The following PPP1R12A variants were observed in gnomAD, a reference collection of about 807,000 sequenced individuals.
PPP1R12A encodes the protein myosin binding subunit.
In PPP1R12A, 19 loss-of-function variants were observed where a neutral mutation model predicts 139.6. The ratio of observed to expected loss-of-function variants is 0.14; its 90% CI spans 0.09 to 0.20. PPP1R12A has a LOEUF of 0.20. PPP1R12A is among the 10% of genes least tolerant of loss of function. The pLI is 1.00. For synonymous variants in PPP1R12A, 427 were observed against 420.6 expected (o/e 1.02, Z -0.19); for missense variants, 925 against 1,211.5 (o/e 0.76, Z 3.51).
intron 14 of PPP1R12A, among the ~76,000 whole-genome samples, chr12:79,800,733 CTTTTTT>C (rs34522404): frequency 2.2e-5 from 3 of 137,108 alleles, no homozygotes; most frequent in African/African-American, 7.9e-5. Context: ...TCAAATGCTA[CTTTTTT>C]TTTTTTTTTT....
intron 13 of PPP1R12A, 135 bp downstream of exon 13, chr12:79,806,031 G>C (rs1873790457): frequency 8.0e-7 from 1 of 1,246,286 alleles, no homozygotes; most frequent in African/African-American, 1.5e-5. Flanking sequence ...CCTCATTTTG[G>C]AACCAATTTT....
intron 1 of PPP1R12A, among the ~76,000 whole-genome samples, chr12:79,911,438 C>A (rs1399149734): frequency 2.0e-5 from 3 of 152,082 alleles, no homozygotes; most frequent in Non-Finnish European, 2.9e-5. Flanking sequence ...ACACTGGGGC[C>A]TACCTGAGGG....
At chr12:79,837,545 T>G (rs1219299110) in intron 3 of PPP1R12A, among the ~76,000 whole-genome samples, 1 of 152,230 alleles carries the variant, frequency 6.6e-6, no homozygotes, top group South Asian at 2.1e-4. Flanking sequence ...ACTAATGATA[T>G]GGTTTGGCTG....
Position 79,786,418 on chromosome 12 carries a change from T to C in PPP1R12A, c.2863A>G (p.Met955Val). The change falls in exon 22 of 25, where the codon ATG becomes GTG. Residue 955 changes from methionine (M) to valine (V), a missense_variant. By Grantham distance (21) the Met-to-Val change is conservative. This residue lies in a region of PPP1R12A where 315 missense variants were observed against 363.4 expected (regional missense o/e 0.87). Coordinates refer to ENST00000450142, the MANE Select transcript of PPP1R12A (RefSeq NM_002480.3). ...KLKAQLHDTN[M>V]ELTDLKLQLE... is the part of the protein sequence containing the mutation. The stretch of plus-strand genomic sequence containing the variant: ...TGTAATTTAAGATCTGTTAGTTCCA[T>C]ATTTGTATCATGTAGCTGTGCCTTC... 2 of 1,564,188 alleles carry C rather than the reference T, an allele frequency of 1.3e-6. No homozygotes were observed. Among genetic ancestry groups the C allele is most frequent in the Non-Finnish European group, 1.7e-6 (2 of 1,153,664 alleles).
intron 19 of PPP1R12A, among the ~76,000 whole-genome samples, chr12:79,791,020 A>T (rs529749847): frequency 3.3e-5 from 5 of 152,292 alleles, no homozygotes; most frequent in African/African-American, 1.2e-4. Flanking sequence ...AAAGTCTGTA[A>T]ATTTCCTCTG....
chr12:79,911,059 G>T (rs1186053879), intron 1 of PPP1R12A, among the ~76,000 whole-genome samples: 1 of 152,144 alleles, frequency 6.6e-6, no homozygotes, highest in African/African-American at 2.4e-5. Context: ...GTTGCTAGCA[G>T]CCATGTCCTA....
intron 17 of PPP1R12A, among the ~76,000 whole-genome samples, 183 bp downstream of exon 17, chr12:79,796,599 C>T (rs1872543416): frequency 6.6e-6 from 1 of 152,150 alleles, no homozygotes; most frequent in African/African-American, 2.4e-5. Context: ...GTATCAACAG[C>T]AGGCCATATT....
intron 1 of PPP1R12A, among the ~76,000 whole-genome samples, chr12:79,932,758 G>A (rs1055653877): frequency 2.6e-5 from 4 of 152,106 alleles, no homozygotes; most frequent in African/African-American, 9.7e-5. Flanking sequence ...TCTTAAGAAG[G>A]CAGTTAAATG....
chr12:79,933,690 G>A (rs989512778), intron 1 of PPP1R12A, among the ~76,000 whole-genome samples: 1 of 152,194 alleles, frequency 6.6e-6, no homozygotes, highest in Non-Finnish European at 1.5e-5. Flanking sequence ...ACGTGGTTGT[G>A]TTGCTTTTGG....
intron 1 of PPP1R12A, among the ~76,000 whole-genome samples, chr12:79,928,463 G>T (rs773813760): frequency 6.6e-6 from 1 of 152,136 alleles, no homozygotes; most frequent in Admixed American, 6.6e-5. Flanking sequence ...TGTTTAGGTA[G>T]GTTTTTAAAA....
chr12:79,831,875 T>C (rs1251794894), intron 4 of PPP1R12A, among the ~76,000 whole-genome samples: 2 of 152,320 alleles, frequency 1.3e-5, no homozygotes, highest in South Asian at 2.1e-4. Flanking sequence ...CTAATAGTAC[T>C]AAGTTCCAGT....
chr12:79,862,774 A>C (rs1415287972), intron 2 of PPP1R12A, among the ~76,000 whole-genome samples: 1 of 152,212 alleles, frequency 6.6e-6, no homozygotes, highest in Non-Finnish European at 1.5e-5. Flanking sequence ...GAGAAAAAAC[A>C]GTAAAAAGAA....
intron 2 of PPP1R12A, among the ~76,000 whole-genome samples, chr12:79,858,939 C>T (rs866596279): frequency 6.6e-6 from 1 of 152,020 alleles, no homozygotes; most frequent in Non-Finnish European, 1.5e-5. Flanking sequence ...TGTCATGTTA[C>T]CCAACACAAA....
At chr12:79,834,721 A>C (rs1229112203) in intron 3 of PPP1R12A, among the ~76,000 whole-genome samples, 1 of 152,148 alleles carries the variant, frequency 6.6e-6, no homozygotes, top group Non-Finnish European at 1.5e-5. Context: ...AGCCTGTAGG[A>C]GAGAGAACTA....
chr12:79,900,243 C>T lies in PPP1R12A; in HGVS notation c.238-27305G>A, dbSNP rs114791881. Among the ~76,000 whole-genome samples, 822 of 152,270 alleles carry T rather than the reference C, an allele frequency of 5.4e-3. 5 individuals carry two copies. The highest frequency in any genetic ancestry group is 0.019 in the African/African-American group (781 of 41,558). On this transcript the variant is annotated intron_variant, in intron 1 of 24. Coordinates refer to ENST00000450142, the MANE Select transcript of PPP1R12A (RefSeq NM_002480.3). ...GTTAGCAATGGCCCTCCAATTTTAT[C>T]AGTCCTCTACTAAAATACAAAACAT...
intron 21 of PPP1R12A, chr12:79,788,344 G>A (rs1871369821): frequency 5.0e-6 from 1 of 199,866 alleles, no homozygotes; most frequent in Admixed American, 5.5e-5. Flanking sequence ...CTGTTTGGCT[G>A]CTTCCTAGTA....
At position 79,788,666 on chromosome 12, in the gene PPP1R12A, G is replaced by A; in HGVS notation, c.2784C>T (p.Asp928=). The A allele has an allele frequency of 6.2e-7, 1 of 1,611,810 alleles. No homozygotes were observed. Among genetic ancestry groups the A allele is most frequent in the African/African-American group, 1.3e-5 (1 of 74,966 alleles). The change falls in exon 21 of 25, where the codon GAC becomes GAT. Residue 928 remains aspartate (D), a synonymous_variant. Coordinates refer to ENST00000450142, the MANE Select transcript of PPP1R12A (RefSeq NM_002480.3). ...CAAGTACCTTTTTAAAGTCAGTTGA[G>A]TCATCCTTTTCTAGCCTGCTGCTGT... ...KPYSSRLEKD[D]STDFKKLYEQ...
Position 79,828,480 on chromosome 12 carries a change from T to C in PPP1R12A, c.648-16A>G, listed in dbSNP as rs748879442. The C allele has an allele frequency of 2.0e-6, 3 of 1,531,472 alleles. No homozygotes were observed. The highest frequency in any genetic ancestry group is 8.9e-7 in the Non-Finnish European group (1 of 1,123,750). The allele number at this position is 1,531,472 out of a possible 1,614,324, so 94.9% of individuals were successfully genotyped here. A position where few individuals can be genotyped will look rare whatever the true frequency, so the allele number is the denominator to read the frequency against. On this transcript the variant is annotated splice_polypyrimidine_tract_variant and intron_variant, in intron 4 of 24. Transcript: ENST00000450142. ...TATTAAAAGTCTAAAGAAATTACAG[T>C]GAATTAGACAATCATTAAAATCTAG...
chr12:79,886,581 T>C (rs1006575292), intron 1 of PPP1R12A, among the ~76,000 whole-genome samples: 1 of 152,114 alleles, frequency 6.6e-6, no homozygotes, highest in African/African-American at 2.4e-5. Context: ...GGCTTATATA[T>C]AGTATCTAAG....
Sources: gnomAD v4.1 joint callset for allele counts (sites outside exome capture counted in the v4.1 genomes callset) on GRCh38, gnomAD v4.1.1 for gene constraint, gnomAD v4.1.1 regional missense constraint, MANE v1.5 for transcripts, NCBI Gene and HGNC (gene_info 2026-07-23, HGNC 2026-07-21) for gene names.